Variants in PRKACB observed in about 807,000 individuals in gnomAD.
PRKACB encodes protein kinase cAMP-activated catalytic subunit beta.
Under a neutral mutation model 51.4 loss-of-function variants are expected in PRKACB, and 16 were observed. The observed-to-expected ratio is 0.31, with a 90% CI of 0.21 to 0.47. The LOEUF is 0.47. Ranked by LOEUF, PRKACB falls within the 20% of genes least tolerant of loss-of-function variation. The pLI, the probability that PRKACB is intolerant of heterozygous loss-of-function variation, is 1.00. For missense variants in PRKACB, 309 were observed against 464.5 expected, an observed-to-expected ratio of 0.67 and a Z score of 3.08; for synonymous variants, 147 against 154.4, an observed-to-expected ratio of 0.95 and a Z score of 0.35.
At chr1:84,088,281 C>G (rs1648178265) in intron 1 of PRKACB, among the ~76,000 whole-genome samples, 1 of 152,138 alleles carries the variant, frequency 6.6e-6, no homozygotes, top group Non-Finnish European at 1.5e-5. Context: ...TCAGGGACAT[C>G]TGAAACTTGT....
upstream of PRKACB, among the ~76,000 whole-genome samples, chr1:84,143,392 A>C (rs975812599): frequency 6.6e-6 from 1 of 152,118 alleles, no homozygotes; most frequent in Admixed American, 6.6e-5. Flanking sequence ...CGGAGGTCGC[A>C]GTGAGCAGAG....
At chr1:84,122,953 G>A (rs1208362707) in intron 1 of PRKACB, among the ~76,000 whole-genome samples, 2 of 152,024 alleles carry the variant, frequency 1.3e-5, no homozygotes, top group African/African-American at 2.4e-5. Context: ...GATTTTTCTG[G>A]TATGTATGTG....
chr1:84,096,032 A>G (rs549432128), intron 1 of PRKACB, among the ~76,000 whole-genome samples: 1 of 152,068 alleles, frequency 6.6e-6, no homozygotes, highest in South Asian at 2.1e-4. Context: ...ATTTTGTATC[A>G]TGTTATATTT....
intron 7 of PRKACB, among the ~76,000 whole-genome samples, chr1:84,201,586 G>GAAA (rs1306193591): frequency 6.6e-6 from 1 of 151,376 alleles, no homozygotes; most frequent in African/African-American, 2.4e-5. Flanking sequence ...ACAGTATCAG[G>GAAA]AAAAAAAAGA....
intron 4 of PRKACB, among the ~76,000 whole-genome samples, chr1:84,184,806 A>G (rs1049395698): frequency 2.0e-5 from 3 of 151,794 alleles, no homozygotes; most frequent in South Asian, 4.1e-4. Flanking sequence ...ATTCTTTTGC[A>G]TATATTATAA....
rs922273422 is a variant in PRKACB at position 84,237,672 on chromosome 1, C to T, written c.*2367C>T. On this transcript the variant is annotated 3_prime_UTR_variant, in exon 10 of 10. Transcript: ENST00000370685. The stretch of plus-strand genomic sequence containing the variant: ...TTCCCAGTTTCAGCCACAATTTAGC[C>T]AAGAATAAGATAAAAACTTGAATAA... 1.3e-5 allele frequency: 2 copies of T among 152,090 alleles called. No homozygotes were observed. Among genetic ancestry groups the T allele is most frequent in the African/African-American group, 4.8e-5 (2 of 41,514 alleles). 9.4% of individuals were successfully genotyped at this position (152,090 alleles called of 1,614,324 possible).
intron 1 of PRKACB, among the ~76,000 whole-genome samples, chr1:84,172,691 A>G (rs973621317): frequency 6.8e-6 from 1 of 147,582 alleles, no homozygotes; most frequent in Non-Finnish European, 1.5e-5. Context: ...TATAGTAAAA[A>G]TTTTTATTTT....
rs3729868 is a variant in PRKACB, at chr1:84,214,344, G to T, written c.1071+27G>T. 5,016 of 1,528,894 alleles carry T rather than the reference G, an allele frequency of 3.3e-3. 146 individuals are homozygous for T. The African/African-American group carries it at 0.06, about 18-fold the overall frequency. The allele number at this position is 1,528,894 out of a possible 1,614,324, so 94.7% of individuals were successfully genotyped here. A position where few individuals can be genotyped will look rare whatever the true frequency, so the allele number is the denominator to read the frequency against. The stretch of plus-strand genomic sequence containing the variant: ...TGAGACTTTCTTTTTTAATTTAAAA[G>T]CTTTTTTAAAGTTGGTGTTTAAATT... On this transcript the variant is annotated intron_variant, in intron 9 of 9. Coordinates refer to ENST00000370685, the MANE Select transcript of PRKACB (RefSeq NM_182948.4).
At chr1:84,099,655 G>C (rs559336592) in intron 1 of PRKACB, among the ~76,000 whole-genome samples, 45 of 152,090 alleles carry the variant, frequency 3.0e-4, no homozygotes, top group African/African-American at 9.9e-4. Flanking sequence ...CTGGTATATG[G>C]ATCACATTGA....
At chr1:84,164,957 T>C in intron 1 of PRKACB, 1 of 1,540,416 alleles carries the variant, frequency 6.5e-7, no homozygotes, top group Non-Finnish European at 8.8e-7. Flanking sequence ...CTCCCTTTGC[T>C]GTTGGATTGT....
intron 1 of PRKACB, among the ~76,000 whole-genome samples, chr1:84,109,460 T>G (rs1312320322): frequency 6.6e-6 from 1 of 151,982 alleles, no homozygotes; most frequent in African/African-American, 2.4e-5. Flanking sequence ...TAGTGTTCTA[T>G]TATATGCATA....
At chr1:84,172,425 T>C (rs1018794011) in intron 1 of PRKACB, among the ~76,000 whole-genome samples, 2 of 151,684 alleles carry the variant, frequency 1.3e-5, no homozygotes, top group African/African-American at 4.8e-5. Context: ...GAGTTTTCAT[T>C]ACAAAATTAT....
chr1:84,198,995 AT>A (rs1669075571), intron 7 of PRKACB, among the ~76,000 whole-genome samples: 1 of 148,070 alleles, frequency 6.8e-6, no homozygotes, highest in African/African-American at 2.5e-5. Flanking sequence ...ATATATGTAT[AT>A]GTGTATATAT....
At chr1:84,204,489 G>C (rs759985119) in intron 8 of PRKACB, 2 of 1,596,968 alleles carry the variant, frequency 1.3e-6, no homozygotes, top group East Asian at 2.2e-5. Context: ...CAGAACTTTT[G>C]ATATGAACAA....
intron 1 of PRKACB, among the ~76,000 whole-genome samples, chr1:84,093,725 A>G (rs984529215): frequency 2.0e-5 from 3 of 151,968 alleles, no homozygotes; most frequent in African/African-American, 7.2e-5. Context: ...TTTTAAGTCC[A>G]TTTATTTAGA....
At chr1:84,213,179 T>TAC (rs1672383672) in intron 8 of PRKACB, among the ~76,000 whole-genome samples, 1 of 152,100 alleles carries the variant, frequency 6.6e-6, no homozygotes, top group Non-Finnish European at 1.5e-5. Context: ...TGTGCATACA[T>TAC]ATGTATGTAT....
At chr1:84,217,454 C>T (rs148610305) in intron 9 of PRKACB, among the ~76,000 whole-genome samples, 37 of 152,200 alleles carry the variant, frequency 2.4e-4, no homozygotes, top group African/African-American at 8.4e-4. Flanking sequence ...ACAGTTGCTA[C>T]ATACTACATA....
At chr1:84,234,837 C>G (rs1676472930) in intron 9 of PRKACB, among the ~76,000 whole-genome samples, 1 of 152,200 alleles carries the variant, frequency 6.6e-6, no homozygotes, top group African/African-American at 2.4e-5. Context: ...TGAGATGAAC[C>G]TGGTACCTCA....
intron 1 of PRKACB, among the ~76,000 whole-genome samples, chr1:84,155,773 T>G (rs974831525): frequency 6.6e-6 from 1 of 152,198 alleles, no homozygotes; most frequent in African/African-American, 2.4e-5. Context: ...TATTGTTATT[T>G]AACAAGTATG....
Sources: gnomAD v4.1 joint callset for allele counts (sites outside exome capture counted in the v4.1 genomes callset) on GRCh38, gnomAD v4.1.1 for gene constraint, MANE v1.5 for transcripts, NCBI Gene and HGNC (gene_info 2026-07-23, HGNC 2026-07-21) for gene names.